Variants in NSD3 observed in about 807,000 individuals in gnomAD.
The protein encoded by NSD3 is nuclear receptor binding SET domain protein 3.
NSD3 carries 24 observed loss-of-function variants against 160.8 expected under a neutral mutation model. That is an observed-to-expected ratio of 0.15 (90% confidence interval 0.11 to 0.21). NSD3 has a LOEUF of 0.21. Ranked by LOEUF, NSD3 falls within the 10% of genes least tolerant of loss-of-function variation. The probability of loss-of-function intolerance (pLI) is 1.00; values close to 1 mark genes in which losing one functional copy is unlikely to be tolerated. For synonymous variants in NSD3, 520 were observed against 600.0 expected (o/e 0.87, Z 1.95); for missense variants, 1,157 against 1,735.9 (o/e 0.67, Z 5.93).
At chr8:38,296,425 C>CAA (rs34703236) in intron 15 of NSD3, among the ~76,000 whole-genome samples, 5 of 151,618 alleles carry the variant, frequency 3.3e-5, no homozygotes, top group African/African-American at 9.7e-5. Context: ...AATTAGCAAG[C>CAA]AAAAAAATAG....
chr8:38,373,073 AAAAAAAG>A (rs1043616396), intron 1 of NSD3, among the ~76,000 whole-genome samples: 4 of 151,882 alleles, frequency 2.6e-5, no homozygotes, highest in Admixed American at 6.6e-5. Flanking sequence ...AGAAAGAAAG[AAAAAAAG>A]AAAAAAGAAA....
At chr8:38,343,722 C>A (rs878894740) in intron 2 of NSD3, among the ~76,000 whole-genome samples, 1 of 151,972 alleles carries the variant, frequency 6.6e-6, no homozygotes, top group Non-Finnish European at 1.5e-5. Flanking sequence ...CACATAAAAT[C>A]AAATAAAAAA....
In NSD3 at chr8:38,315,869, G is replaced by A. The variant is rs754948898; in HGVS notation, c.1986+43C>T. 3 of 1,586,222 alleles carry A rather than the reference G, an allele frequency of 1.9e-6. 1 individual carries two copies. The Admixed American group carries it at 5.5e-5, about 29-fold the overall frequency. On this transcript the variant is annotated intron_variant, in intron 10 of 23. Transcript: ENST00000317025. ...CAAATAAATAAGGGAAAAGCATTAT[G>A]TTCAAGAAAGAACACTTTGTCCAGA...
chr8:38,346,499 T>G (rs939093709), intron 2 of NSD3, among the ~76,000 whole-genome samples: 2 of 151,400 alleles, frequency 1.3e-5, no homozygotes, highest in Admixed American at 1.3e-4. Context: ...TCTCTACTTT[T>G]CATTCATTGT....
At chr8:38,377,653 G>A (rs1811427516) in intron 1 of NSD3, among the ~76,000 whole-genome samples, 1 of 151,922 alleles carries the variant, frequency 6.6e-6, no homozygotes, top group Non-Finnish European at 1.5e-5. Flanking sequence ...GCGCCCAGCC[G>A]TGGATTCATA....
At chr8:38,332,223 G>A (rs1458508979) in intron 4 of NSD3, among the ~76,000 whole-genome samples, 2 of 152,192 alleles carry the variant, frequency 1.3e-5, no homozygotes, top group Non-Finnish European at 2.9e-5. Flanking sequence ...TTACAGGCAT[G>A]AGCCACTGGC....
intron 1 of NSD3, among the ~76,000 whole-genome samples, chr8:38,359,509 T>C (rs754715713): frequency 2.0e-4 from 30 of 152,198 alleles, no homozygotes; most frequent in Non-Finnish European, 4.4e-4. Context: ...GGGTGTGGAC[T>C]TCTGGAGGAA....
intron 5 of NSD3, among the ~76,000 whole-genome samples, chr8:38,330,803 T>G (rs183914632): frequency 6.6e-6 from 1 of 152,224 alleles, no homozygotes; most frequent in African/African-American, 2.4e-5. Context: ...CAAGAGTTCA[T>G]GTCAAAATTC....
chr8:38,317,744 C>A lies in NSD3; in HGVS notation c.1855+1151G>T. ...GGCTGGACCCATGATTTAAGCTGTACCCATCCAGCTCAAACCGAAAAAAAA... is the reference window on the plus strand; with the variant it reads ...GGCTGGACCCATGATTTAAGCTGTAACCATCCAGCTCAAACCGAAAAAAAA... On this transcript the variant is annotated intron_variant, in intron 9 of 23. Transcript: ENST00000317025. This position sits in a 1 kb window ranked among gnomAD's most constrained non-coding sequence, Gnocchi z 5.3. 1 of 1,386,550 alleles carries A rather than the reference C, an allele frequency of 7.2e-7. No homozygotes were observed. The highest frequency in any genetic ancestry group is 1.5e-5 in the South Asian group (1 of 64,642). 85.9% of individuals were successfully genotyped at this position (1,386,550 alleles called of 1,614,324 possible). A position where few individuals can be genotyped will look rare whatever the true frequency, so the allele number is the denominator to read the frequency against.
At chr8:38,278,190 G>A (rs1018137750) in intron 22 of NSD3, 116 bp downstream of exon 22, 13 of 721,670 alleles carry the variant, frequency 1.8e-5, no homozygotes, top group Non-Finnish European at 2.9e-5. Context: ...TGCCCGCCTT[G>A]GCCTCCCAAA....
At chr8:38,315,108 C>T (rs1231110247) in intron 11 of NSD3, among the ~76,000 whole-genome samples, 3 of 152,142 alleles carry the variant, frequency 2.0e-5, no homozygotes, top group Non-Finnish European at 2.9e-5. Flanking sequence ...AGTATTTTTT[C>T]AAGAACGGTA....
Position 38,361,741 on chromosome 8 carries a change from C to G in NSD3, c.-44-13526G>C, listed in dbSNP as rs1276662405. Among the ~76,000 whole-genome samples the G allele has an allele frequency of 3.4e-5, 4 of 117,202 alleles. No homozygotes were observed. In the Admixed American group the frequency reaches 3.6e-4, roughly 11 times the overall value. The allele number at this position is 117,202 out of a possible 152,430, so 76.9% of individuals were successfully genotyped here. ...CTGCGCTCCAGCCTGGGCTACAGAG[C>G]GAGACTCCGTCTCAAAAAAAAAAAA... On this transcript the variant is annotated intron_variant, in intron 1 of 23. Coordinates refer to ENST00000317025, the MANE Select transcript of NSD3 (RefSeq NM_023034.2).
rs548821980 is a variant in NSD3, at chr8:38,270,280, G to A, written c.*5361C>T. 6.6e-6 allele frequency: 1 copy of A among 152,250 alleles called. No homozygotes were observed. Among genetic ancestry groups the A allele is most frequent in the South Asian group, 2.1e-4 (1 of 4,818 alleles). The allele number at this position is 152,250 out of a possible 1,614,324, so 9.4% of individuals were successfully genotyped here. ...CACAGGATCTACAAAGTTTATTACA[G>A]ATAAAGTACAGAAATAACCAATCTA... On this transcript the variant is annotated 3_prime_UTR_variant, in exon 24 of 24. Transcript: ENST00000317025.
At chr8:38,349,975 G>T (rs867378762) in intron 1 of NSD3, among the ~76,000 whole-genome samples, 1 of 151,820 alleles carries the variant, frequency 6.6e-6, no homozygotes, top group Non-Finnish European at 1.5e-5. Context: ...TGAGAATGAT[G>T]GTTTCCAGCT....
At chr8:38,356,762 T>A (rs1563366759) in intron 1 of NSD3, among the ~76,000 whole-genome samples, 1 of 152,192 alleles carries the variant, frequency 6.6e-6, no homozygotes, top group Non-Finnish European at 1.5e-5. Flanking sequence ...ATATATTCTT[T>A]TTTTCTATGT....
At chr8:38,348,421 ACTC>A (rs1179215612) in intron 1 of NSD3, among the ~76,000 whole-genome samples, 1 of 151,980 alleles carries the variant, frequency 6.6e-6, no homozygotes, top group Non-Finnish European at 1.5e-5. Context: ...TCTGTTTGAA[ACTC>A]CTGATTACTT....
chr8:38,292,430 TG>T (rs905300194), intron 16 of NSD3, among the ~76,000 whole-genome samples: 18 of 152,024 alleles, frequency 1.2e-4, no homozygotes, highest in Middle Eastern at 3.4e-3. Flanking sequence ...GCAGATCACT[TG>T]AAGTCAGGAG....
At position 38,283,120 on chromosome 8, in the gene NSD3, G is replaced by A. The variant is rs960641298; in HGVS notation, c.3502-1537C>T. ...GATCCACTTTCTCCACGTCCTGTCTGCATCTGGTATTGCCACTATTTATTA... is the reference window on the plus strand; with the variant it reads ...GATCCACTTTCTCCACGTCCTGTCTACATCTGGTATTGCCACTATTTATTA... On this transcript the variant is annotated intron_variant, in intron 19 of 23. Transcript: ENST00000317025. Among the ~76,000 whole-genome samples, 19 of 152,132 alleles carry A rather than the reference G, an allele frequency of 1.2e-4. No homozygotes were observed. The East Asian group carries it at 3.7e-3, about 29-fold the overall frequency.
chr8:38,270,542 TA>T lies in NSD3; in HGVS notation c.*5098del, dbSNP rs1452789011. On this transcript the variant is annotated 3_prime_UTR_variant, in exon 24 of 24. Transcript: ENST00000317025. Reference sequence around the variant, plus strand: ...AGGGCATGTAACAGGACAAATGAGATAAAATAATGACAACCAAGTAAGTTTT... The same window carrying T: ...AGGGCATGTAACAGGACAAATGAGATAAATAATGACAACCAAGTAAGTTTT... 6.6e-6 allele frequency: 1 copy of T among 152,198 alleles called. No individual in the cohort carries two copies. Among genetic ancestry groups the T allele is most frequent in the African/African-American group, 2.4e-5 (1 of 41,440 alleles). The allele number at this position is 152,198 out of a possible 1,614,324, so 9.4% of individuals were successfully genotyped here.
Sources: allele counts gnomAD v4.1 joint callset (sites outside exome capture counted in the v4.1 genomes callset), GRCh38; gene constraint gnomAD v4.1.1; non-coding constraint Gnocchi (gnomAD v3.1); transcripts MANE v1.5; gene names NCBI Gene and HGNC (gene_info 2026-07-23, HGNC 2026-07-21).